The following DIS3L2 variants were observed in gnomAD, a reference collection of about 807,000 sequenced individuals.
DIS3L2 encodes the protein DIS3-like exonuclease 2.
A neutral mutation model predicts 97.5 loss-of-function variants in DIS3L2; 34 were observed. That is an observed-to-expected ratio of 0.35 (90% CI 0.27 to 0.46). DIS3L2 has a LOEUF of 0.46. DIS3L2 is among the 20% of genes least tolerant of loss of function. DIS3L2 has a pLI of 1.00. For missense variants in DIS3L2, 1,038 were observed against 1,146.0 expected (o/e 0.91, Z 1.36); for synonymous variants, 435 against 445.2 (o/e 0.98, Z 0.29).
At chr2:232,082,925 TC>T (rs1159256930) in intron 5 of DIS3L2, among the ~76,000 whole-genome samples, 1 of 152,120 alleles carries the variant, frequency 6.6e-6, no homozygotes, top group Non-Finnish European at 1.5e-5. Flanking sequence ...GGGGAGGCCT[TC>T]CAGTCGTGGC....
At chr2:232,313,314 T>C (rs1474880409) in intron 14 of DIS3L2, among the ~76,000 whole-genome samples, 1 of 152,194 alleles carries the variant, frequency 6.6e-6, no homozygotes, top group African/African-American at 2.4e-5. Flanking sequence ...AAGTGGTGAT[T>C]TATGAGCTAG....
intron 6 of DIS3L2, among the ~76,000 whole-genome samples, chr2:232,118,197 A>G (rs75752363): frequency 0.11 from 16,575 of 152,174 alleles, 1,103 homozygotes; most frequent in African/African-American, 0.19. Flanking sequence ...TCACGGTCTT[A>G]TGGAAGCTAA....
At chr2:231,986,937 C>T (rs1693429835) in intron 1 of DIS3L2, among the ~76,000 whole-genome samples, 1 of 152,224 alleles carries the variant, frequency 6.6e-6, no homozygotes, top group African/African-American at 2.4e-5. Context: ...TTTGTGATGA[C>T]TTCAGATATT....
chr2:232,050,194 A>G lies in DIS3L2; in HGVS notation c.366+20114A>G, dbSNP rs1026929120. On this transcript the variant is annotated intron_variant, in intron 5 of 20. Coordinates refer to ENST00000325385, the MANE Select transcript of DIS3L2 (RefSeq NM_152383.5). ...TTTGTAATAACCTCTCATTAGCTCC[A>G]TGTCCCAGTTCTGTTTCTTCTATTC... 7.2e-5 allele frequency among the ~76,000 whole-genome samples: 11 copies of G among 152,294 alleles called. No homozygotes were observed. The South Asian group carries it at 1.0e-3, about 14-fold the overall frequency.
chr2:231,977,036 A>G (rs1408467973), intron 1 of DIS3L2, among the ~76,000 whole-genome samples: 1 of 152,134 alleles, frequency 6.6e-6, no homozygotes, highest in Non-Finnish European at 1.5e-5. Context: ...CACGCCTGGG[A>G]TTACGGGTGT....
intron 6 of DIS3L2, among the ~76,000 whole-genome samples, chr2:232,089,633 T>C (rs2106312144): frequency 6.6e-6 from 1 of 152,292 alleles, no homozygotes; most frequent in African/African-American, 2.4e-5. Flanking sequence ...AAGGAACACT[T>C]TAAAGCATAT....
chr2:232,099,665 A>G (rs1201578193), intron 6 of DIS3L2, among the ~76,000 whole-genome samples: 1 of 152,238 alleles, frequency 6.6e-6, no homozygotes, highest in Non-Finnish European at 1.5e-5. Context: ...TAAAACAGGA[A>G]TGAACCCTTG....
chr2:232,135,791 C>T (rs1472938822), intron 7 of DIS3L2, among the ~76,000 whole-genome samples: 2 of 151,872 alleles, frequency 1.3e-5, no homozygotes, highest in African/African-American at 2.4e-5. Context: ...GGTGGGATGT[C>T]GGCAAGCTCT....
chr2:232,138,656 G>T (rs1235533232), intron 8 of DIS3L2, among the ~76,000 whole-genome samples: 1 of 152,162 alleles, frequency 6.6e-6, no homozygotes, highest in Non-Finnish European at 1.5e-5. Flanking sequence ...ATCAGAACAT[G>T]CTGTGCTATG....
At chr2:232,021,121 A>G (rs1259183697) in intron 3 of DIS3L2, among the ~76,000 whole-genome samples, 3 of 152,152 alleles carry the variant, frequency 2.0e-5, no homozygotes, top group Non-Finnish European at 2.9e-5. Context: ...TTTCTATGGT[A>G]CTGTTTAGCT....
intron 20 of DIS3L2, 155 bp downstream of exon 20, chr2:232,336,029 C>G: frequency 2.6e-6 from 4 of 1,523,538 alleles, no homozygotes; most frequent in Non-Finnish European, 3.5e-6. Context: ...CACCCAGACC[C>G]CCTCCTGTGG....
At chr2:232,030,120 G>A in intron 5 of DIS3L2, 40 bp downstream of exon 5, 1 of 1,563,326 alleles carries the variant, frequency 6.4e-7, no homozygotes, top group Non-Finnish European at 8.8e-7. Flanking sequence ...GATTTCTTAG[G>A]GTCTTTCACA....
intron 9 of DIS3L2, among the ~76,000 whole-genome samples, chr2:232,195,897 T>G (rs1434912973): frequency 6.8e-6 from 1 of 145,994 alleles, no homozygotes; most frequent in Non-Finnish European, 1.5e-5. Flanking sequence ...GGCAGTCTAG[T>G]CCCCAGGCAA....
exon 14 of DIS3L2, chr2:232,343,699 AT>A: frequency 9.3e-7 from 1 of 1,074,198 alleles, no homozygotes; most frequent in Non-Finnish European, 1.3e-6. Context: ...GTGGGTGCTG[AT>A]TTTGTGGAAA....
intron 11 of DIS3L2, 40 bp from the exon 12 acceptor site, chr2:232,249,199 G>A (rs1187049147): frequency 2.5e-6 from 4 of 1,600,870 alleles, no homozygotes; most frequent in East Asian, 4.5e-5. Context: ...TCCTAAGCGG[G>A]TTGGAGAAAG....
intron 6 of DIS3L2, among the ~76,000 whole-genome samples, chr2:232,117,599 ACT>A (rs1308275040): frequency 6.6e-6 from 1 of 151,858 alleles, no homozygotes; most frequent in African/African-American, 2.4e-5. Flanking sequence ...AGCTTTAATG[ACT>A]CTCTGGCTCC....
At chr2:232,147,469 C>T (rs1219104583) in intron 8 of DIS3L2, among the ~76,000 whole-genome samples, 1 of 152,082 alleles carries the variant, frequency 6.6e-6, no homozygotes, top group African/African-American at 2.4e-5. Flanking sequence ...TTATCTATTC[C>T]AGGATCTCAT....
At chr2:232,274,207 A>G (rs1316947965) in intron 13 of DIS3L2, among the ~76,000 whole-genome samples, 1 of 152,122 alleles carries the variant, frequency 6.6e-6, no homozygotes, top group Non-Finnish European at 1.5e-5. Context: ...TTCCTCTCAG[A>G]GATGTGAACC....
At chr2:232,134,413 T>C (rs1467874226) in intron 7 of DIS3L2, among the ~76,000 whole-genome samples, 1 of 152,216 alleles carries the variant, frequency 6.6e-6, no homozygotes, top group East Asian at 1.9e-4. Flanking sequence ...CGTTTAAGGT[T>C]AGAGAATACT....
Sources: allele counts gnomAD v4.1 joint callset (sites outside exome capture counted in the v4.1 genomes callset), GRCh38; gene constraint gnomAD v4.1.1; transcripts MANE v1.5; gene names NCBI Gene and HGNC (gene_info 2026-07-23, HGNC 2026-07-21).